The following COPG2 variants were observed in gnomAD, a reference collection of about 807,000 sequenced individuals.
COPG2 encodes coat protein complex I subunit gamma 2.
COPG2 carries 37 observed loss-of-function variants against 46.3 expected under a neutral mutation model. The ratio of observed to expected loss-of-function variants is 0.80; its 90% CI spans 0.61 to 1.05. The LOEUF (loss-of-function observed/expected upper bound fraction) is 1.05. Ranked by LOEUF, COPG2 falls within the 50% of genes least tolerant of loss-of-function variation. The pLI is 0.00. For synonymous variants in COPG2, 159 were observed against 129.7 expected, an observed-to-expected ratio of 1.23 and a Z score of -1.53; for missense variants, 427 against 387.8, an observed-to-expected ratio of 1.10 and a Z score of -0.85.
At chr7:130,645,593 C>T (rs1795579992) in intron 5 of COPG2, 2 of 170,406 alleles carry the variant, frequency 1.2e-5, no homozygotes, top group Non-Finnish European at 2.5e-5. Context: ...CCACGCTCAC[C>T]CATTTTTCCA....
chr7:130,541,726 T>C (rs1799939919), intron 20 of COPG2, among the ~76,000 whole-genome samples: 1 of 149,974 alleles, frequency 6.7e-6, no homozygotes, highest in African/African-American at 2.5e-5. Context: ...CCTGGGCCAC[T>C]GGGACGTGAG....
chr7:130,661,458 A>G (rs1042521707), intron 4 of COPG2, among the ~76,000 whole-genome samples: 1 of 152,180 alleles, frequency 6.6e-6, no homozygotes, highest in Non-Finnish European at 1.5e-5. Flanking sequence ...TCTAATAAAC[A>G]CCTAATTCCA....
intron 5 of COPG2, among the ~76,000 whole-genome samples, chr7:130,646,947 A>ATATATATGCATATATATATGTGTG (rs1795608990): frequency 7.5e-6 from 1 of 133,128 alleles, no homozygotes; most frequent in African/African-American, 3.0e-5. Flanking sequence ...ATATACGTAT[A>ATATATATGCATATATATATGTGTG]TATATATATG....
At chr7:130,604,684 T>A (rs781948179) in intron 9 of COPG2, 1 of 511,002 alleles carries the variant, frequency 2.0e-6, no homozygotes. Context: ...TTGCACAAAG[T>A]AAGCCTTCTA....
At chr7:130,667,336 T>C in intron 2 of COPG2, 146 bp downstream of exon 2, 1 of 648,136 alleles carries the variant, frequency 1.5e-6, no homozygotes. Flanking sequence ...AAGTAACCCC[T>C]CTTTCTTTTC....
At chr7:130,619,296 G>A (rs1554453291) in intron 5 of COPG2, among the ~76,000 whole-genome samples, 2 of 152,106 alleles carry the variant, frequency 1.3e-5, no homozygotes, top group East Asian at 3.9e-4. Flanking sequence ...CACTATAATA[G>A]CCATATGTAT....
At chr7:130,515,342 A>AGT (rs1239386340) in intron 20 of COPG2, among the ~76,000 whole-genome samples, 1,790 of 152,218 alleles carry the variant, frequency 0.012, 35 homozygotes, top group African/African-American at 0.041. Context: ...GAGTGGGAGG[A>AGT]GGTACCACAC....
intron 20 of COPG2, among the ~76,000 whole-genome samples, chr7:130,523,735 C>T (rs1799747898): frequency 6.6e-6 from 1 of 152,030 alleles, no homozygotes. Context: ...AGGAAGTGGG[C>T]TGTGCGGGTG....
In COPG2 at chr7:130,652,882, T is replaced by C. The variant is rs1161808608; in HGVS notation, c.310A>G (p.Ile104Val). ...EMATISEDVIIVTSSLTKDMT... is the reference protein window; with the variant it reads ...EMATISEDVIVVTSSLTKDMT... ...CCATTTACATACCTGCTTGTGACAA[T>C]TATCACATCCTCAGAGATGGTAGCC... The change falls in exon 5 of 24, where the codon ATT becomes GTT. Residue 104 changes from isoleucine to valine, a missense_variant. Ile to Val is a conservative substitution (Grantham distance 29). Coordinates refer to ENST00000425248, the MANE Select transcript of COPG2 (RefSeq NM_012133.6). 4 of 1,602,276 alleles carry C rather than the reference T, an allele frequency of 2.5e-6. No individual in the cohort carries two copies. In the African/African-American group the frequency reaches 5.4e-5, roughly 21 times the overall value.
At chr7:130,581,894 A>G (rs1794153121) in intron 9 of COPG2, among the ~76,000 whole-genome samples, 1 of 148,802 alleles carries the variant, frequency 6.7e-6, no homozygotes, top group Non-Finnish European at 1.5e-5. Flanking sequence ...GGTAGGAAGA[A>G]TCAATATCAT....
chr7:130,567,036 A>G (rs1314048889), intron 9 of COPG2, among the ~76,000 whole-genome samples: 1 of 152,258 alleles, frequency 6.6e-6, no homozygotes, highest in Non-Finnish European at 1.5e-5. Flanking sequence ...AACGTAGTAC[A>G]TATACACCAT....
intron 20 of COPG2, among the ~76,000 whole-genome samples, chr7:130,537,161 G>A (rs1406837712): frequency 6.6e-6 from 1 of 152,120 alleles, no homozygotes; most frequent in Non-Finnish European, 1.5e-5. Flanking sequence ...CTGGTGACAG[G>A]AAGAAGGTAG....
At chr7:130,577,252 G>A (rs1563047684) in intron 9 of COPG2, among the ~76,000 whole-genome samples, 1 of 152,350 alleles carries the variant, frequency 6.6e-6, no homozygotes. Flanking sequence ...ATTTCCATCT[G>A]AGGTACTGGG....
At chr7:130,612,645 T>TA (rs1462771206) in intron 7 of COPG2, among the ~76,000 whole-genome samples, 1 of 152,220 alleles carries the variant, frequency 6.6e-6, no homozygotes, top group Non-Finnish European at 1.5e-5. Flanking sequence ...GGAACTCTTG[T>TA]ATTTAGATGT....
chr7:130,580,088 C>G (rs1457634560), intron 9 of COPG2, among the ~76,000 whole-genome samples: 1 of 151,532 alleles, frequency 6.6e-6, no homozygotes, highest in Non-Finnish European at 1.5e-5. Context: ...TGACCACATA[C>G]TTGGAAGTAA....
Position 130,617,036 on chromosome 7 carries a change from T to A in COPG2, c.353A>T (p.Asp118Val). Residue 118 changes from aspartate to valine, a missense_variant, in exon 6 of 24, where the codon GAT (aspartate) becomes GTT (valine). By Grantham distance (152) the Asp-to-Val change is radical. Transcript: ENST00000425248. Reference sequence around the variant, plus strand: ...TCTGATGGCCGGGCCTCGGTATACATCTTCTTTTCCAGTCATGTCTTTAGT... The same window carrying A: ...TCTGATGGCCGGGCCTCGGTATACAACTTCTTTTCCAGTCATGTCTTTAGT... ...SLTKDMTGKE[D>V]VYRGPAIRAL... 1.2e-6 allele frequency: 2 copies of A among 1,610,846 alleles called. No individual in the cohort carries two copies. Among genetic ancestry groups the A allele is most frequent in the Admixed American group, 1.7e-5 (1 of 59,850 alleles).
intron 14 of COPG2, among the ~76,000 whole-genome samples, chr7:130,554,264 T>C (rs1793582030): frequency 6.6e-6 from 1 of 152,206 alleles, no homozygotes; most frequent in Non-Finnish European, 1.5e-5. Context: ...TGAGCCATCA[T>C]AGTATTCCTA....
chr7:130,644,263 G>C (rs1271922959), intron 5 of COPG2, among the ~76,000 whole-genome samples: 1 of 152,150 alleles, frequency 6.6e-6, no homozygotes, highest in African/African-American at 2.4e-5. Context: ...TCTCTTTTCA[G>C]AAAGAGAAAC....
intron 9 of COPG2, among the ~76,000 whole-genome samples, chr7:130,590,141 G>A (rs1163276738): frequency 1.3e-5 from 2 of 151,916 alleles, no homozygotes; most frequent in African/African-American, 2.4e-5. Context: ...CTATTTTTAT[G>A]AATGTAAGAG....
Sources: gnomAD v4.1 joint callset for allele counts (sites outside exome capture counted in the v4.1 genomes callset) on GRCh38, gnomAD v4.1.1 for gene constraint, MANE v1.5 for transcripts, NCBI Gene and HGNC (gene_info 2026-07-23, HGNC 2026-07-21) for gene names.